Variants in TSNARE1 observed in about 807,000 individuals in gnomAD.
TSNARE1 encodes the protein t-SNARE domain containing 1.
TSNARE1 carries 49 observed loss-of-function variants against 62.0 expected under a neutral mutation model. The observed-to-expected ratio is 0.79, with a 90% CI of 0.63 to 1.00. The LOEUF (loss-of-function observed/expected upper bound fraction) is 1.00. TSNARE1 is among the 50% of genes least tolerant of loss of function. TSNARE1 has a pLI of 0.00. For missense variants in TSNARE1, 755 were observed against 700.1 expected (o/e 1.08, Z -0.88); for synonymous variants, 328 against 294.4 (o/e 1.11, Z -1.17).
At chr8:142,257,065 C>T (rs193243436) in intron 12 of TSNARE1, among the ~76,000 whole-genome samples, 173 of 152,342 alleles carry the variant, frequency 1.1e-3, no homozygotes, top group African/African-American at 3.9e-3. Flanking sequence ...GACCTTCCCA[C>T]GCACACATAC....
intron 13 of TSNARE1, among the ~76,000 whole-genome samples, chr8:142,219,000 G>A (rs1816079667): frequency 6.6e-6 from 1 of 152,210 alleles, no homozygotes; most frequent in Non-Finnish European, 1.5e-5. Context: ...TTCAGAACGA[G>A]CTTTGCAGCC....
chr8:142,380,334 C>G (rs965954704), intron 1 of TSNARE1, among the ~76,000 whole-genome samples: 2 of 152,194 alleles, frequency 1.3e-5, no homozygotes, highest in Non-Finnish European at 2.9e-5. Context: ...CGGGCACCAC[C>G]GGACACAGCA....
At chr8:142,271,701 G>A (rs749301659) in intron 12 of TSNARE1, 14 of 1,360,616 alleles carry the variant, frequency 1.0e-5, no homozygotes, top group Non-Finnish European at 1.1e-5. Flanking sequence ...GCTAACAGAG[G>A]GAGACAGGAA....
chr8:142,218,652 G>GAC (rs1038723791), intron 13 of TSNARE1, among the ~76,000 whole-genome samples: 35 of 152,262 alleles, frequency 2.3e-4, no homozygotes, highest in African/African-American at 8.2e-4. Context: ...CCCACAGGCC[G>GAC]ACACCCGACA....
At chr8:142,271,733 A>C in intron 12 of TSNARE1, 4 of 1,307,728 alleles carry the variant, frequency 3.1e-6, no homozygotes, top group Non-Finnish European at 3.9e-6. Context: ...GCACACCCAA[A>C]ACCCAGTGAT....
intron 12 of TSNARE1, chr8:142,273,070 TGTCGGGGGG>T: frequency 4.1e-6 from 4 of 985,384 alleles, no homozygotes; most frequent in Non-Finnish European, 4.8e-6. Context: ...CTCTGCAGTG[TGTCGGGGGG>T]GCGGTGCCTG....
chr8:142,218,252 G>A lies in TSNARE1; in HGVS notation c.*12-5939C>T, dbSNP rs75136229. 4.3e-4 allele frequency among the ~76,000 whole-genome samples: 65 copies of A among 150,324 alleles called. 2 individuals carry two copies. Among genetic ancestry groups the A allele is most frequent in the Admixed American group, 2.4e-3 (37 of 15,104 alleles). ...ACCAAGATCTGGGTTCAGTGTGACC[G>A]GGATCAGGCTCAGGGTGTGGCCAGG... is the stretch of plus-strand genomic sequence containing the variant. On this transcript the variant is annotated intron_variant, in intron 13 of 13. Coordinates refer to ENST00000524325, the MANE Select transcript of TSNARE1 (RefSeq NM_145003.5).
intron 12 of TSNARE1, among the ~76,000 whole-genome samples, chr8:142,235,881 G>A (rs1411158756): frequency 1.3e-5 from 2 of 152,196 alleles, no homozygotes. Context: ...TGCAGGGTGG[G>A]GGATGGACAA....
At chr8:142,303,559 T>G (rs966382778) in intron 9 of TSNARE1, among the ~76,000 whole-genome samples, 1 of 152,188 alleles carries the variant, frequency 6.6e-6, no homozygotes, top group African/African-American at 2.4e-5. Context: ...GGGGGGCCCA[T>G]GGTACCCACC....
chr8:142,331,761 G>A lies in TSNARE1; in HGVS notation c.816C>T (p.Asn272=), dbSNP rs773256555. The change falls in exon 5 of 14, where the codon AAC becomes AAT. Residue 272 remains asparagine (N), a synonymous_variant. Coordinates refer to ENST00000524325, the MANE Select transcript of TSNARE1 (RefSeq NM_145003.5). ...GGCCAGACGCACACTCACCACTGGA[G>A]TTGATTCGGAAGACGTTGGCCGACA... ...QEMSANVFRI[N]SSVTSLERSL... The A allele has an allele frequency of 8.1e-6, 13 of 1,598,248 alleles. No homozygotes were observed. Among genetic ancestry groups the A allele is most frequent in the Non-Finnish European group, 1.1e-5 (13 of 1,172,774 alleles).
intron 13 of TSNARE1, among the ~76,000 whole-genome samples, chr8:142,215,854 C>T (rs1050300872): frequency 3.9e-5 from 6 of 152,226 alleles, no homozygotes; most frequent in African/African-American, 1.4e-4. Context: ...TTCCCCTGAG[C>T]TCTGGAGGCT....
At chr8:142,385,285 G>A (rs945527859) in intron 1 of TSNARE1, among the ~76,000 whole-genome samples, 9 of 152,058 alleles carry the variant, frequency 5.9e-5, no homozygotes, top group Non-Finnish European at 4.4e-5. Context: ...AAACCACCCC[G>A]CAAGCCAAGA....
intron 1 of TSNARE1, among the ~76,000 whole-genome samples, chr8:142,401,859 C>T (rs1397600895): frequency 6.6e-6 from 1 of 152,088 alleles, no homozygotes; most frequent in Non-Finnish European, 1.5e-5. Context: ...TGTATGGGGT[C>T]GAACGGTATG....
intron 1 of TSNARE1, among the ~76,000 whole-genome samples, chr8:142,391,414 T>C (rs576532703): frequency 6.7e-6 from 1 of 149,394 alleles, no homozygotes; most frequent in Non-Finnish European, 1.5e-5. Flanking sequence ...CTGGGGACTC[T>C]GTAACAGACG....
chr8:142,341,538 G>A (rs891164518), intron 4 of TSNARE1, among the ~76,000 whole-genome samples: 2 of 152,188 alleles, frequency 1.3e-5, no homozygotes, highest in Admixed American at 6.5e-5. Flanking sequence ...GTGCGCACCT[G>A]GGGCGCATCC....
At chr8:142,227,690 G>A (rs985025966) in intron 13 of TSNARE1, among the ~76,000 whole-genome samples, 10 of 152,256 alleles carry the variant, frequency 6.6e-5, no homozygotes, top group East Asian at 1.9e-4. Flanking sequence ...GTTGCGGGAC[G>A]AGCTGACTGG....
chr8:142,279,327 C>G (rs1052893546), intron 11 of TSNARE1, among the ~76,000 whole-genome samples: 4 of 152,198 alleles, frequency 2.6e-5, no homozygotes, highest in African/African-American at 9.6e-5. Context: ...CCACACGACA[C>G]CAGGCGGGAA....
intron 12 of TSNARE1, chr8:142,271,645 C>A (rs1819566114): frequency 7.1e-7 from 1 of 1,407,262 alleles, no homozygotes; most frequent in Non-Finnish European, 9.2e-7. Flanking sequence ...CTTCCAGGGA[C>A]CTCAGGGGCA....
At chr8:142,268,525 C>A (rs1819258479) in intron 12 of TSNARE1, among the ~76,000 whole-genome samples, 1 of 152,242 alleles carries the variant, frequency 6.6e-6, no homozygotes, top group Non-Finnish European at 1.5e-5. Flanking sequence ...ACTGTGCAAT[C>A]CCAGCTCTGT....
Sources: allele counts gnomAD v4.1 joint callset (sites outside exome capture counted in the v4.1 genomes callset), GRCh38; gene constraint gnomAD v4.1.1; transcripts MANE v1.5; gene names NCBI Gene and HGNC (gene_info 2026-07-23, HGNC 2026-07-21).